The following MBOAT7 variants were observed in gnomAD, a reference collection of about 807,000 sequenced individuals.
MBOAT7 encodes membrane-bound acylglycerophosphatidylinositol O-acyltransferase MBOAT7.
In MBOAT7, 40 loss-of-function variants were observed where a neutral mutation model predicts 47.4. The observed-to-expected ratio is 0.84, with a 90% confidence interval of 0.66 to 1.10. The LOEUF (loss-of-function observed/expected upper bound fraction) is 1.10. MBOAT7 is among the 50% of genes least tolerant of loss of function. MBOAT7 has a pLI of 0.00. For missense variants in MBOAT7, 680 were observed against 655.6 expected (o/e 1.04, Z -0.41); for synonymous variants, 361 against 292.0 (o/e 1.24, Z -2.41).
At chr19:54,178,163 G>T in intron 7 of MBOAT7, 1 of 891,206 alleles carries the variant, frequency 1.1e-6, no homozygotes, top group Non-Finnish European at 1.3e-6. Context: ...ACCTGCTTGG[G>T]CCTCCCAAAG....
intron 7 of MBOAT7, among the ~76,000 whole-genome samples, chr19:54,174,975 GTTTT>G (rs34483717): frequency 7.8e-6 from 1 of 127,906 alleles, no homozygotes; most frequent in Non-Finnish European, 1.6e-5. Context: ...CAGCCCAGTG[GTTTT>G]TTTTTTTTTT....
At chr19:54,189,042 TCTC>T (rs1160945) in intron 1 of MBOAT7, 57,149 of 139,502 alleles carry the variant, frequency 0.41, 11,951 homozygotes, top group East Asian at 0.59. Flanking sequence ...CCCCAGCCCT[TCTC>T]CTTCGAGACC....
Position 54,180,747 on chromosome 19 carries a change from G to T in MBOAT7, c.854+26C>A. The T allele has an allele frequency of 6.7e-7, 1 of 1,484,566 alleles. No individual in the cohort carries two copies. The highest frequency in any genetic ancestry group is 2.4e-5 in the East Asian group (1 of 41,702). The allele number at this position is 1,484,566 out of a possible 1,614,324, so 92.0% of individuals were successfully genotyped here. A position where few individuals can be genotyped will look rare whatever the true frequency, so the allele number is the denominator to read the frequency against. Reference sequence around the variant, plus strand: ...TTGGAGGTGGGGGCTGCTGGGTCTTGGGAAGCCTCCCTCGCGCCGCCTGAC... The same window carrying T: ...TTGGAGGTGGGGGCTGCTGGGTCTTTGGAAGCCTCCCTCGCGCCGCCTGAC... On this transcript the variant is annotated intron_variant, in intron 6 of 7. Coordinates refer to ENST00000245615, the MANE Select transcript of MBOAT7 (RefSeq NM_024298.5). This position sits in a 1 kb window ranked among gnomAD's most constrained non-coding sequence, Gnocchi z 5.2.
At chr19:54,181,182 G>A (rs2076261702) in intron 5 of MBOAT7, 49 bp from the exon 6 acceptor site, 2 of 1,444,716 alleles carry the variant, frequency 1.4e-6, no homozygotes, top group African/African-American at 1.4e-5. Flanking sequence ...GGTGGGCAGA[G>A]CTCAAGTCTG....
chr19:54,177,530 T>G (rs1201218760), intron 7 of MBOAT7, among the ~76,000 whole-genome samples: 1 of 152,048 alleles, frequency 6.6e-6, no homozygotes, highest in South Asian at 2.1e-4. Flanking sequence ...CTCCTGACCT[T>G]GTGACCCACC....
Position 54,187,268 on chromosome 19 carries a change from G to C in MBOAT7, c.226C>G (p.Leu76Val), listed in dbSNP as rs766158021. 2.5e-6 allele frequency: 4 copies of C among 1,610,586 alleles called. No homozygotes were observed. The highest frequency in any genetic ancestry group is 3.4e-6 in the Non-Finnish European group (4 of 1,178,612). ...AQPCSCHALA[L>V]AWTFSYLLFF... ...AGGAGATAGGAGAAAGTCCAGGCCA[G>C]AGCCAGGGCGTGGCAGGAGCTGGGC... The change falls in exon 4 of 8, where the codon CTG becomes GTG. Residue 76 changes from leucine to valine, a missense_variant. Physicochemically the swap from Leu to Val is conservative, Grantham distance 32. Transcript: ENST00000245615.
In MBOAT7 at chr19:54,173,627, T is replaced by G; in HGVS notation, c.*417A>C. On this transcript the variant is annotated 3_prime_UTR_variant, in exon 8 of 8. Coordinates refer to ENST00000245615, the MANE Select transcript of MBOAT7 (RefSeq NM_024298.5). ...TTCCAAGTCTGCAATATTGGTGCGA[T>G]GAGCTAAAAGTGGAGCGAAAGACAC... is the stretch of plus-strand genomic sequence containing the variant. The G allele has an allele frequency of 5.1e-6, 1 of 197,902 alleles. No individual in the cohort carries two copies. The highest frequency in any genetic ancestry group is 1.0e-5 in the Non-Finnish European group (1 of 98,002). The allele number at this position is 197,902 out of a possible 1,614,324, so 12.3% of individuals were successfully genotyped here. A position where few individuals can be genotyped will look rare whatever the true frequency, so the allele number is the denominator to read the frequency against.
intron 7 of MBOAT7, chr19:54,178,359 C>T (rs1330390640): frequency 9.1e-7 from 1 of 1,098,938 alleles, no homozygotes; most frequent in Non-Finnish European, 1.1e-6. Context: ...CACATTTTAT[C>T]ACATTTAGTC....
intron 5 of MBOAT7, among the ~76,000 whole-genome samples, chr19:54,181,735 G>A (rs1265952769): frequency 2.2e-5 from 1 of 45,220 alleles, no homozygotes; most frequent in Admixed American, 1.8e-4. Flanking sequence ...GGGAAGGAAG[G>A]AGGGAGGGAG....
chr19:54,188,851 C>T (rs533877411), intron 1 of MBOAT7, among the ~76,000 whole-genome samples: 60 of 152,218 alleles, frequency 3.9e-4, no homozygotes, highest in African/African-American at 1.3e-3. Context: ...ATACTGGGGA[C>T]CCAGATTTGA....
chr19:54,177,900 GTTTTTTTTTTTTTTTTTTT>G (rs761565984), intron 7 of MBOAT7, among the ~76,000 whole-genome samples: 1 of 75,974 alleles, frequency 1.3e-5, no homozygotes, highest in African/African-American at 5.6e-5. Flanking sequence ...TTCTACTTCT[GTTTTTTTTTTTTTTTTTTT>G]TTTTTTTTTT....
chr19:54,187,003 A>G, intron 4 of MBOAT7, 158 bp downstream of exon 4: 2 of 885,368 alleles, frequency 2.3e-6, no homozygotes, highest in Non-Finnish European at 3.4e-6. Context: ...GGGCATGTGA[A>G]TGGGGAATGC....
intron 7 of MBOAT7, among the ~76,000 whole-genome samples, chr19:54,175,193 T>C (rs1035141958): frequency 1.1e-4 from 17 of 152,250 alleles, no homozygotes; most frequent in South Asian, 4.1e-4. Context: ...TTAGCCAGGA[T>C]GGTCTCGATC....
intron 5 of MBOAT7, 74 bp downstream of exon 5, chr19:54,183,447 C>T: frequency 6.5e-7 from 1 of 1,545,806 alleles, no homozygotes; most frequent in African/African-American, 1.4e-5. Context: ...AGGGCGGGAA[C>T]ACAGAACAGG....
Position 54,183,599 on chromosome 19 carries a change from T to C in MBOAT7, c.415A>G (p.Thr139Ala), listed in dbSNP as rs763708204. The change falls in exon 5 of 8, where the codon ACC (threonine) becomes GCC (alanine). Residue 139 changes from threonine to alanine, a missense_variant. Thr to Ala is a moderately conservative substitution (Grantham distance 58). Transcript: ENST00000245615. ...EMASGFSKGP[T>A]LGLLPDVPSL... is the part of the protein sequence containing the mutation. ...GGCACGTCGGGCAGCAGCCCCAGGG[T>C]GGGCCCCTTGCTGAAGCCTGAGGCC... 3.1e-6 allele frequency: 5 copies of C among 1,608,274 alleles called. No homozygotes were observed. The South Asian group carries it at 5.6e-5, about 18-fold the overall frequency.
At position 54,174,077 on chromosome 19, in the gene MBOAT7, G is replaced by A. The variant is rs1215927778; in HGVS notation, c.1386C>T (p.Thr462=). ...PSRRKAASQP[T]SLAPEKLREE ...CCCGGAGCTTCTCCGGGGCAAGGCT[G>A]GTGGGCTGGGATGCTGCCTTCCGCC... is the stretch of plus-strand genomic sequence containing the variant. The change falls in exon 8 of 8, where the codon ACC becomes ACT. Residue 462 remains threonine (T), a synonymous_variant. Transcript: ENST00000245615. The A allele has an allele frequency of 1.9e-6, 3 of 1,605,950 alleles. No individual in the cohort carries two copies. Among genetic ancestry groups the A allele is most frequent in the East Asian group, 2.2e-5 (1 of 44,510 alleles).
Position 54,174,314 on chromosome 19 carries a change from C to T in MBOAT7, c.1149G>A (p.Leu383=). The T allele has an allele frequency of 1.2e-6, 2 of 1,613,426 alleles. No homozygotes were observed. Among genetic ancestry groups the T allele is most frequent in the Non-Finnish European group, 1.7e-6 (2 of 1,179,652 alleles). ...GGCCCCCTGGGCTCAGCCGCCCCCG[C>T]AGGGCTGACTCCAGCCGGCCCTCGG... The part of the protein sequence containing the change: ...LAAEGRLESA[L]RGRLSPGGQK... The change falls in exon 8 of 8, where the codon CTG becomes CTA. Residue 383 remains leucine, a synonymous_variant. Coordinates refer to ENST00000245615, the MANE Select transcript of MBOAT7 (RefSeq NM_024298.5).
chr19:54,187,062 G>T, intron 4 of MBOAT7, 99 bp downstream of exon 4: 1 of 1,399,346 alleles, frequency 7.1e-7, no homozygotes, highest in Non-Finnish European at 9.5e-7. Flanking sequence ...AGGGTGTGTT[G>T]GAGGTAAAAT....
At chr19:54,175,494 G>A (rs1351419746) in intron 7 of MBOAT7, among the ~76,000 whole-genome samples, 4 of 152,258 alleles carry the variant, frequency 2.6e-5, no homozygotes, top group South Asian at 2.1e-4. Flanking sequence ...GAAGTCCCTG[G>A]CCTGTGGTCC....
Sources: gnomAD v4.1 joint callset for allele counts (sites outside exome capture counted in the v4.1 genomes callset) on GRCh38, gnomAD v4.1.1 for gene constraint, Gnocchi (gnomAD v3.1) non-coding constraint, MANE v1.5 for transcripts, NCBI Gene and HGNC (gene_info 2026-07-23, HGNC 2026-07-21) for gene names.